COL10A1: variants seen among roughly 807,000 people sequenced by gnomAD.
COL10A1 encodes collagen type X alpha 1 chain, also known as collagen alpha-1(X) chain.
In COL10A1, 10 loss-of-function variants were observed where a neutral mutation model predicts 18.2. That is an observed-to-expected ratio of 0.55 (90% CI 0.34 to 0.93). The LOEUF is 0.93. COL10A1 is among the 40% of genes least tolerant of loss of function. COL10A1 has a pLI of 0.02. For missense variants in COL10A1, 897 were observed against 853.5 expected (o/e 1.05, Z -0.64); for synonymous variants, 330 against 316.6 (o/e 1.04, Z -0.45).
intron 1 of COL10A1, among the ~76,000 whole-genome samples, chr6:116,151,582 T>A (rs958063252): frequency 2.0e-5 from 3 of 152,238 alleles, no homozygotes; most frequent in African/African-American, 7.2e-5. Context: ...GGTATGCTTT[T>A]AAAATTCACA....
At chr6:116,198,745 A>T in the COL10A1 span, among the ~76,000 whole-genome samples, 17 of 151,926 alleles carry the variant, frequency 1.1e-4, no homozygotes, top group South Asian at 8.3e-4. Flanking sequence ...ATATTTTTTT[A>T]AAAAAAGGAC....
chr6:116,179,412 G>A, the COL10A1 span, among the ~76,000 whole-genome samples: 1 of 151,766 alleles, frequency 6.6e-6, no homozygotes, highest in Non-Finnish European at 1.5e-5. Context: ...CTAATATCTA[G>A]AATCTACAAG....
At chr6:116,122,048 G>T (rs1353244588) in intron 2 of COL10A1, 87 bp from the exon 3 acceptor site, 2 of 1,125,674 alleles carry the variant, frequency 1.8e-6, no homozygotes, top group Admixed American at 1.7e-5. Flanking sequence ...CTATGAATTG[G>T]GACACGATAT....
chr6:116,132,909 G>A (rs1464655792), intron 1 of COL10A1, among the ~76,000 whole-genome samples: 1 of 152,146 alleles, frequency 6.6e-6, no homozygotes, highest in Non-Finnish European at 1.5e-5. Context: ...GAGCCCAGAA[G>A]CTAAAAATGA....
At chr6:116,215,816 G>A in the COL10A1 span, among the ~76,000 whole-genome samples, 1 of 152,116 alleles carries the variant, frequency 6.6e-6, no homozygotes, top group Non-Finnish European at 1.5e-5. Context: ...CAATACATAT[G>A]TAATACTGTC....
At chr6:116,145,467 G>T (rs971718066) in intron 1 of COL10A1, 1 of 383,922 alleles carries the variant, frequency 2.6e-6, no homozygotes, top group Non-Finnish European at 5.8e-6. Context: ...CTTGCTTCAG[G>T]ATATATCTAC....
rs1371344861 is a variant in COL10A1, at chr6:116,119,724, TA to T, written c.*348del. On this transcript the variant is annotated 3_prime_UTR_variant, in exon 3 of 3. Transcript: ENST00000651968. ...CGAGTTTCTCAAATCAAATTTCACA[TA>T]ACTTAGAGCTCTATTTCTGTTTTTT... 1 of 197,984 alleles carries T rather than the reference TA, an allele frequency of 5.1e-6. No individual in the cohort carries two copies. Among genetic ancestry groups the T allele is most frequent in the Non-Finnish European group, 1.0e-5 (1 of 97,742 alleles). The allele number at this position is 197,984 out of a possible 1,614,324, so 12.3% of individuals were successfully genotyped here.
chr6:116,188,129 A>G, the COL10A1 span, among the ~76,000 whole-genome samples: 1 of 152,106 alleles, frequency 6.6e-6, no homozygotes. Flanking sequence ...AGTGCTAATT[A>G]AAGTTCAATG....
chr6:116,153,870 A>G (rs892563270), intron 1 of COL10A1, among the ~76,000 whole-genome samples: 1 of 152,112 alleles, frequency 6.6e-6, no homozygotes, highest in African/African-American at 2.4e-5. Context: ...CAGAAATGCA[A>G]TTTGGCAAAA....
chr6:116,139,374 C>T (rs558667018), intron 1 of COL10A1, among the ~76,000 whole-genome samples: 4 of 152,090 alleles, frequency 2.6e-5, no homozygotes, highest in Admixed American at 2.0e-4. Flanking sequence ...TTGAATAATA[C>T]AGTCTAAAGC....
the COL10A1 span, among the ~76,000 whole-genome samples, chr6:116,198,396 T>C: frequency 6.6e-6 from 1 of 152,002 alleles, no homozygotes; most frequent in Non-Finnish European, 1.5e-5. Flanking sequence ...TCAAGCAGCT[T>C]GTTTAAAGAG....
intron 1 of COL10A1, among the ~76,000 whole-genome samples, chr6:116,158,440 A>T (rs1021603944): frequency 1.3e-5 from 2 of 152,364 alleles, no homozygotes; most frequent in Non-Finnish European, 2.9e-5. Flanking sequence ...AGACAAGAAG[A>T]TAAAAACTTA....
chr6:116,164,301 A>T, the COL10A1 span, among the ~76,000 whole-genome samples: 1 of 151,992 alleles, frequency 6.6e-6, no homozygotes, highest in South Asian at 2.1e-4. Context: ...AGGATAGTTA[A>T]ATCTTCTTAT....
chr6:116,141,885 A>AACACACACACAC lies in COL10A1; in HGVS notation c.-15-16390_-15-16379dup, dbSNP rs3051942. The stretch of plus-strand genomic sequence containing the variant: ...GTAAAAGATTTTCTGCCAAAAAGAA[A>AACACACACACAC]ACACACACACACACACACACACACA... On this transcript the variant is annotated intron_variant, in intron 1 of 1. Coordinates refer to the COL10A1 transcript ENST00000418500. 2.1e-3 allele frequency among the ~76,000 whole-genome samples: 293 copies of AACACACACACAC among 140,398 alleles called. 3 individuals carry two copies. The highest frequency in any genetic ancestry group is 7.4e-3 in the African/African-American group (276 of 37,468). The allele number at this position is 140,398 out of a possible 152,430, so 92.1% of individuals were successfully genotyped here. A position where few individuals can be genotyped will look rare whatever the true frequency, so the allele number is the denominator to read the frequency against.
At chr6:116,170,062 T>C in the COL10A1 span, among the ~76,000 whole-genome samples, 1 of 152,180 alleles carries the variant, frequency 6.6e-6, no homozygotes, top group Non-Finnish European at 1.5e-5. Flanking sequence ...TAAGCGACAT[T>C]GTCCATAGCT....
At chr6:116,213,841 G>A in the COL10A1 span, among the ~76,000 whole-genome samples, 5 of 152,088 alleles carry the variant, frequency 3.3e-5, no homozygotes, top group Non-Finnish European at 1.5e-5. Context: ...AGTAGAAGGG[G>A]TGGAAGGGAA....
chr6:116,147,657 G>T (rs1362504703), intron 1 of COL10A1, among the ~76,000 whole-genome samples: 1 of 152,028 alleles, frequency 6.6e-6, no homozygotes, highest in Non-Finnish European at 1.5e-5. Flanking sequence ...ATGAGAAATT[G>T]CAAATAGAAA....
chr6:116,199,577 G>C, the COL10A1 span, among the ~76,000 whole-genome samples: 1 of 152,074 alleles, frequency 6.6e-6, no homozygotes, highest in African/African-American at 2.4e-5. Flanking sequence ...AGAAGCCAGG[G>C]CTCCTTGGAG....
the COL10A1 span, among the ~76,000 whole-genome samples, chr6:116,209,518 T>G: frequency 6.6e-6 from 1 of 152,022 alleles, no homozygotes; most frequent in Admixed American, 6.6e-5. Flanking sequence ...AAGTGTTGAT[T>G]ATAGTGTAAC....
Sources: gnomAD v4.1 joint callset for allele counts (sites outside exome capture counted in the v4.1 genomes callset) on GRCh38, gnomAD v4.1.1 for gene constraint, MANE v1.5 for transcripts, NCBI Gene and HGNC (gene_info 2026-07-23, HGNC 2026-07-21) for gene names.